Variants in RAB37 observed in about 807,000 individuals in gnomAD.
RAB37 encodes the protein ras-related protein Rab-37.
In RAB37, 29 loss-of-function variants were observed where a neutral mutation model predicts 33.1. The ratio of observed to expected loss-of-function variants is 0.88; its 90% CI spans 0.65 to 1.20. RAB37 has a LOEUF of 1.20. RAB37 is among the 50% of genes most tolerant of loss of function. The pLI, the probability that RAB37 is intolerant of heterozygous loss-of-function variation, is 0.00. For synonymous variants in RAB37, 128 were observed against 119.5 expected (o/e 1.07, Z -0.47); for missense variants, 299 against 301.1 (o/e 0.99, Z 0.05).
intron 1 of RAB37, among the ~76,000 whole-genome samples, chr17:74,714,919 C>T (rs746158489): frequency 3.3e-5 from 5 of 152,026 alleles, no homozygotes; most frequent in Non-Finnish European, 5.9e-5. Flanking sequence ...GTCAGGAGTT[C>T]GAGATCAGCC....
chr17:74,740,233 T>G (rs2034579842), intron 1 of RAB37, among the ~76,000 whole-genome samples: 1 of 151,572 alleles, frequency 6.6e-6, no homozygotes, highest in Admixed American at 6.6e-5. Context: ...CCAAACAATA[T>G]TCATTATAGA....
At chr17:74,708,813 G>T (rs2143870484) in intron 1 of RAB37, among the ~76,000 whole-genome samples, 1 of 151,536 alleles carries the variant, frequency 6.6e-6, no homozygotes, top group East Asian at 1.9e-4. Flanking sequence ...CTACTCGGAG[G>T]CTGAGGCAGG....
chr17:74,743,529 C>G (rs990782830), intron 5 of RAB37, among the ~76,000 whole-genome samples, 189 bp downstream of exon 5: 6 of 152,186 alleles, frequency 3.9e-5, no homozygotes, highest in African/African-American at 1.4e-4. Flanking sequence ...GGCATGAAGG[C>G]CAAGCAGGCT....
rs546700936 is a variant in RAB37, at chr17:74,738,234, G to A, written c.93+869G>A. On this transcript the variant is annotated intron_variant, in intron 1 of 8. Transcript: ENST00000392613. The surrounding 1 kb of genome is among the most constrained non-coding windows in gnomAD (Gnocchi z 5.0). ...TGGATTCCGCTGCATGGCCTTGAAG[G>A]AGACCTGCCTCTCTCTGGGCCTCGG... Among the ~76,000 whole-genome samples the A allele has an allele frequency of 6.6e-6, 1 of 152,256 alleles. No homozygotes were observed. Among genetic ancestry groups the A allele is most frequent in the South Asian group, 2.1e-4 (1 of 4,816 alleles).
chr17:74,738,000 C>T (rs1339023717), intron 1 of RAB37, among the ~76,000 whole-genome samples: 5 of 152,186 alleles, frequency 3.3e-5, no homozygotes, highest in Non-Finnish European at 7.3e-5. Flanking sequence ...GCATCCCGCA[C>T]TTGAGAGAGC....
intron 1 of RAB37, among the ~76,000 whole-genome samples, chr17:74,700,459 G>T (rs548426220): frequency 6.6e-6 from 1 of 152,106 alleles, no homozygotes; most frequent in African/African-American, 2.4e-5. Flanking sequence ...AGAATCACTC[G>T]ACTGAGCGCG....
intron 1 of RAB37, among the ~76,000 whole-genome samples, chr17:74,725,855 A>G (rs2034299909): frequency 6.6e-6 from 1 of 152,004 alleles, no homozygotes. Flanking sequence ...ACTTCAGGTG[A>G]TCTGCCCATC....
At chr17:74,734,585 T>C (rs1432438468), upstream of RAB37, among the ~76,000 whole-genome samples, 1 of 152,200 alleles carries the variant, frequency 6.6e-6, no homozygotes, top group Non-Finnish European at 1.5e-5. Context: ...GGTTCACACC[T>C]GTAATCCCAA....
chr17:74,674,237 G>A (rs1446903614), intron 1 of RAB37, among the ~76,000 whole-genome samples: 3 of 151,994 alleles, frequency 2.0e-5, no homozygotes, highest in African/African-American at 7.2e-5. Context: ...ACCATGCCTG[G>A]CTAATTTTTT....
At chr17:74,698,541 TCCCA>T in intron 1 of RAB37, 1 of 1,011,280 alleles carries the variant, frequency 9.9e-7, no homozygotes. Context: ...CTCAGCCCAA[TCCCA>T]CCCACCCAGC....
intron 1 of RAB37, among the ~76,000 whole-genome samples, chr17:74,675,433 GAA>G (rs55820534): frequency 7.7e-6 from 1 of 130,588 alleles, no homozygotes; most frequent in Non-Finnish European, 1.7e-5. Context: ...GACTCCATCC[GAA>G]AAAAAAAAAA....
rs577240341 is a variant in RAB37, at chr17:74,731,721, A to G, written c.183+2355A>G. Among the ~76,000 whole-genome samples, 8 of 151,788 alleles carry G rather than the reference A, an allele frequency of 5.3e-5. No homozygotes were observed. The East Asian group carries it at 1.2e-3, about 22-fold the overall frequency. On this transcript the variant is annotated intron_variant, in intron 2 of 7. Transcript: ENST00000340415. ...GCAAAATTCCTCTTTCAAAACCTTCACTCAGGCCAGGCGTGGTGGCTCACA... is the reference window on the plus strand; with the variant it reads ...GCAAAATTCCTCTTTCAAAACCTTCGCTCAGGCCAGGCGTGGTGGCTCACA...
intron 1 of RAB37, among the ~76,000 whole-genome samples, chr17:74,715,592 G>A (rs770595407): frequency 6.6e-6 from 1 of 152,198 alleles, no homozygotes; most frequent in African/African-American, 2.4e-5. Flanking sequence ...CATCGAGGGT[G>A]GTGGGGTAAG....
At chr17:74,725,076 A>G (rs2034289467) in intron 1 of RAB37, among the ~76,000 whole-genome samples, 1 of 152,174 alleles carries the variant, frequency 6.6e-6, no homozygotes, top group Admixed American at 6.5e-5. Flanking sequence ...AGTGTGTCTA[A>G]TCTTCCCTCC....
At chr17:74,701,168 T>TATA (rs1386469675) in intron 1 of RAB37, among the ~76,000 whole-genome samples, 1 of 152,256 alleles carries the variant, frequency 6.6e-6, no homozygotes, top group Non-Finnish European at 1.5e-5. Flanking sequence ...AGCAAACTAA[T>TATA]ATAAGGATTA....
chr17:74,740,669 C>T (rs2144072850), intron 1 of RAB37, 99 bp from the exon 2 acceptor site: 1 of 867,008 alleles, frequency 1.2e-6, no homozygotes, highest in South Asian at 1.4e-5. Flanking sequence ...AGCATTCGTG[C>T]CAGCCCCCTC....
intron 1 of RAB37, among the ~76,000 whole-genome samples, chr17:74,697,239 C>G (rs1598209450): frequency 6.6e-6 from 1 of 152,256 alleles, no homozygotes; most frequent in East Asian, 1.9e-4. Context: ...CCACGACACC[C>G]AGAGATTGGA....
intron 1 of RAB37, among the ~76,000 whole-genome samples, chr17:74,728,416 A>G (rs2034334457): frequency 6.7e-6 from 1 of 148,480 alleles, no homozygotes; most frequent in African/African-American, 2.5e-5. Context: ...TGTTCTTTCT[A>G]TGTGTGCATG....
rs138930097 is a variant in RAB37 at position 74,681,627 on chromosome 17, G to A, written c.72+9969G>A. ...TTGGGAAAACAGAGGGGCACGCCAC[G>A]TGAGCTCTGCAGGCATGTCCTCCAG... is the stretch of plus-strand genomic sequence containing the variant. On this transcript the variant is annotated intron_variant, in intron 1 of 7. Transcript: ENST00000340415. Among the ~76,000 whole-genome samples the A allele has an allele frequency of 1.2e-3, 190 of 152,308 alleles. 1 individual carries two copies. The highest frequency in any genetic ancestry group is 3.9e-3 in the African/African-American group (161 of 41,572).
Sources: allele counts gnomAD v4.1 joint callset (sites outside exome capture counted in the v4.1 genomes callset), GRCh38; gene constraint gnomAD v4.1.1; non-coding constraint Gnocchi (gnomAD v3.1); transcripts MANE v1.5; gene names NCBI Gene and HGNC (gene_info 2026-07-23, HGNC 2026-07-21).